LYRM1: variants seen among roughly 807,000 people sequenced by gnomAD.
LYRM1 encodes LYR motif containing 1.
In LYRM1, 14 loss-of-function variants were observed where a neutral mutation model predicts 14.9. The ratio of observed to expected loss-of-function variants is 0.94; its 90% CI spans 0.62 to 1.47. The LOEUF is 1.47. LYRM1 is among the 40% of genes most tolerant of loss of function. LYRM1 has a pLI of 0.00. For missense variants in LYRM1, 153 were observed against 149.9 expected (o/e 1.02, Z -0.11); for synonymous variants, 43 against 56.2 (o/e 0.77, Z 1.05).
intron 1 of LYRM1, among the ~76,000 whole-genome samples, chr16:20,906,176 G>A (rs749604537): frequency 9.2e-5 from 14 of 152,160 alleles, no homozygotes; most frequent in South Asian, 2.1e-4. Flanking sequence ...TATGACAGGG[G>A]TATGCCAGAG....
intron 1 of LYRM1, among the ~76,000 whole-genome samples, chr16:20,913,817 TC>T (rs2082724453): frequency 6.6e-6 from 1 of 151,910 alleles, no homozygotes. Context: ...TTTTTTTTTT[TC>T]TTTTTTTTGA....
rs148117909 is a variant in LYRM1, at chr16:20,910,870, C to T, written c.1-4686C>T. ...AAGTGTCTTGCAGTCAAGGAAGTTC[C>T]GTCTGTTAATGACAGGGAAGTGAAG... On this transcript the variant is annotated intron_variant, in intron 1 of 3. Coordinates refer to ENST00000567954, the MANE Select transcript of LYRM1 (RefSeq NM_001128302.3). Among the ~76,000 whole-genome samples the T allele has an allele frequency of 2.2e-3, 339 of 152,298 alleles. 3 individuals are homozygous for T. The highest frequency in any genetic ancestry group is 0.014 in the Middle Eastern group (4 of 294).
chr16:20,914,325 G>A (rs2082759829), intron 1 of LYRM1, among the ~76,000 whole-genome samples: 1 of 120,174 alleles, frequency 8.3e-6, no homozygotes, highest in South Asian at 2.9e-4. Context: ...GTTTCACTCT[G>A]TTGCCCAGGC....
intron 1 of LYRM1, among the ~76,000 whole-genome samples, chr16:20,904,538 G>A (rs1273009720): frequency 1.3e-5 from 2 of 152,126 alleles, no homozygotes; most frequent in Admixed American, 6.6e-5. Flanking sequence ...GTAAAAAGAT[G>A]CTGTTTCATA....
intron 2 of LYRM1, among the ~76,000 whole-genome samples, chr16:20,918,388 G>A (rs911292819): frequency 1.3e-5 from 2 of 152,166 alleles, no homozygotes; most frequent in African/African-American, 4.8e-5. Context: ...GGCGGAAGAG[G>A]TACATGGGTT....
intron 1 of LYRM1, among the ~76,000 whole-genome samples, chr16:20,904,723 G>GTGTGTGTT (rs1327870053): frequency 2.6e-5 from 4 of 151,966 alleles, no homozygotes; most frequent in African/African-American, 9.7e-5. Flanking sequence ...GTGTGTGTGT[G>GTGTGTGTT]TGTTTAATTG....
At chr16:20,918,561 G>A (rs780725191) in intron 2 of LYRM1, among the ~76,000 whole-genome samples, 2 of 152,104 alleles carry the variant, frequency 1.3e-5, no homozygotes, top group African/African-American at 2.4e-5. Flanking sequence ...CAGCCAGCCC[G>A]TGAATGACTG....
At chr16:20,912,593 AAAGG>A (rs2082651125) in intron 1 of LYRM1, among the ~76,000 whole-genome samples, 1 of 152,078 alleles carries the variant, frequency 6.6e-6, no homozygotes, top group Non-Finnish European at 1.5e-5. Flanking sequence ...TTTTTTTTAA[AAAGG>A]AAACACCTAA....
At chr16:20,911,336 A>G (rs191891173) in intron 1 of LYRM1, 1 of 152,318 alleles carries the variant, frequency 6.6e-6, no homozygotes, top group African/African-American at 2.4e-5. Flanking sequence ...ATTTTGAGGT[A>G]AACGTGCCCA....
At chr16:20,909,762 T>A (rs999194011) in intron 1 of LYRM1, among the ~76,000 whole-genome samples, 1 of 152,222 alleles carries the variant, frequency 6.6e-6, no homozygotes, top group Non-Finnish European at 1.5e-5. Context: ...AAAAAATATA[T>A]GGCTGATTCT....
intron 2 of LYRM1, among the ~76,000 whole-genome samples, chr16:20,917,050 TC>T (rs919883469): frequency 3.4e-5 from 5 of 145,652 alleles, no homozygotes; most frequent in African/African-American, 1.3e-4. Flanking sequence ...AGTCCCTGTC[TC>T]TTAAAAAAAA....
chr16:20,911,676 A>C (rs2082598466), intron 1 of LYRM1, among the ~76,000 whole-genome samples: 2 of 151,158 alleles, frequency 1.3e-5, no homozygotes, highest in Non-Finnish European at 1.5e-5. Flanking sequence ...CAGTAGTGGG[A>C]CTTTTTTTTT....
Position 20,901,676 on chromosome 16 carries a change from GGCTAA to G in LYRM1, c.-1+788_-1+792del, listed in dbSNP as rs1469373445. 6.6e-6 allele frequency among the ~76,000 whole-genome samples: 1 copy of G among 152,354 alleles called. No homozygotes were observed. The highest frequency in any genetic ancestry group is 1.9e-4 in the East Asian group (1 of 5,188). ...GCCTTTTAGCCCAAGGCAGGGGTTTGGCTAATGTGTACCTTAAGGGTTTTAAGAAG... is the reference window on the plus strand; with the variant it reads ...GCCTTTTAGCCCAAGGCAGGGGTTTGTGTGTACCTTAAGGGTTTTAAGAAG... On this transcript the variant is annotated intron_variant, in intron 1 of 3. Coordinates refer to ENST00000567954, the MANE Select transcript of LYRM1 (RefSeq NM_001128302.3). This position sits in a 1 kb window ranked among gnomAD's most constrained non-coding sequence, Gnocchi z 4.6.
At chr16:20,917,200 C>G (rs1318724408) in intron 2 of LYRM1, among the ~76,000 whole-genome samples, 1 of 152,148 alleles carries the variant, frequency 6.6e-6, no homozygotes, top group Admixed American at 6.6e-5. Context: ...AACCCAGGTT[C>G]CCCAAACTTT....
intron 1 of LYRM1, among the ~76,000 whole-genome samples, chr16:20,904,077 CT>C (rs1173363588): frequency 6.6e-6 from 1 of 152,102 alleles, no homozygotes; most frequent in Admixed American, 6.5e-5. Flanking sequence ...CTGGTGACTG[CT>C]TTTTCACCAC....
intron 1 of LYRM1, among the ~76,000 whole-genome samples, chr16:20,912,626 A>G (rs2082652991): frequency 6.6e-6 from 1 of 152,158 alleles, no homozygotes; most frequent in African/African-American, 2.4e-5. Context: ...AGCAAAATAG[A>G]TAGTACATTG....
intron 1 of LYRM1, among the ~76,000 whole-genome samples, chr16:20,911,016 C>A (rs971417638): frequency 5.3e-5 from 8 of 152,156 alleles, no homozygotes; most frequent in Non-Finnish European, 1.2e-4. Context: ...GTTTCCTTAC[C>A]AGGAAAAATG....
chr16:20,923,748 C>A (rs1304127696), intron 3 of LYRM1, among the ~76,000 whole-genome samples: 2 of 152,180 alleles, frequency 1.3e-5, no homozygotes, highest in Non-Finnish European at 2.9e-5. Flanking sequence ...GGTTCAAATC[C>A]TGGCTTCCCT....
chr16:20,917,838 T>G (rs2082987200), intron 2 of LYRM1, among the ~76,000 whole-genome samples: 1 of 152,008 alleles, frequency 6.6e-6, no homozygotes, highest in South Asian at 2.1e-4. Context: ...TTTTTCTTCT[T>G]TATTTTATTT....
Sources: allele counts gnomAD v4.1 joint callset (sites outside exome capture counted in the v4.1 genomes callset), GRCh38; gene constraint gnomAD v4.1.1; non-coding constraint Gnocchi (gnomAD v3.1); transcripts MANE v1.5; gene names NCBI Gene and HGNC (gene_info 2026-07-23, HGNC 2026-07-21).